Variants in KANSL1 observed in about 807,000 individuals in gnomAD.
KANSL1 encodes KAT8 regulatory NSL complex subunit 1.
A neutral mutation model predicts 103.6 loss-of-function variants in KANSL1; 22 were observed. That is an observed-to-expected ratio of 0.21 (90% CI 0.15 to 0.30). The LOEUF is 0.30. Among genes scored for constraint, KANSL1 ranks in the 10% least tolerant of loss-of-function variants. The pLI, the probability that KANSL1 is intolerant of heterozygous loss-of-function variation, is 1.00. For missense variants in KANSL1, 1,337 were observed against 1,399.8 expected (o/e 0.96, Z 0.72); for synonymous variants, 600 against 527.6 (o/e 1.14, Z -1.88).
At chr17:46,155,337 T>C (rs1020238005) in intron 2 of KANSL1, among the ~76,000 whole-genome samples, 2 of 152,178 alleles carry the variant, frequency 1.3e-5, no homozygotes, top group South Asian at 4.2e-4. Context: ...TTTCTATTTT[T>C]AGTAGAGACA....
intron 1 of KANSL1, among the ~76,000 whole-genome samples, chr17:46,207,122 AC>A (rs2047994969): frequency 6.6e-6 from 1 of 152,162 alleles, no homozygotes; most frequent in Non-Finnish European, 1.5e-5. Flanking sequence ...ATAAAAAAAA[AC>A]AATTAGCCAG....
At chr17:46,047,862 C>G (rs965558123) in intron 7 of KANSL1, among the ~76,000 whole-genome samples, 2 of 148,672 alleles carry the variant, frequency 1.3e-5, no homozygotes, top group African/African-American at 2.5e-5. Flanking sequence ...TTATGAAGAA[C>G]AGCATGGAGC....
intron 1 of KANSL1, among the ~76,000 whole-genome samples, chr17:46,183,478 C>T (rs368396252): frequency 3.3e-5 from 5 of 151,946 alleles, no homozygotes; most frequent in South Asian, 2.1e-4. Flanking sequence ...GGGTGGAGGT[C>T]GCAGTGAGCT....
At chr17:46,199,898 T>C (rs981951096) in intron 1 of KANSL1, among the ~76,000 whole-genome samples, 1 of 152,238 alleles carries the variant, frequency 6.6e-6, no homozygotes, top group South Asian at 2.1e-4. Flanking sequence ...GGCCATCAGC[T>C]ATTGTTAAAA....
At chr17:46,161,644 G>T (rs920121867) in intron 2 of KANSL1, among the ~76,000 whole-genome samples, 1 of 152,134 alleles carries the variant, frequency 6.6e-6, no homozygotes, top group East Asian at 1.9e-4. Flanking sequence ...CATATACAAG[G>T]GTATTCAATT....
In KANSL1 at chr17:46,211,123, G is replaced by GA. The variant is rs138603279; in HGVS notation, c.-90+12547dup. On this transcript the variant is annotated intron_variant, in intron 1 of 14. Transcript: ENST00000572904. ...CAAATGAAAAGTAAGGCATTTACAGGAAAAAAAATCTAAGCTATACTTAAA... is the reference window on the plus strand; with the variant it reads ...CAAATGAAAAGTAAGGCATTTACAGGAAAAAAAAATCTAAGCTATACTTAAA... Among the ~76,000 whole-genome samples, 6 of 145,410 alleles carry GA rather than the reference G, an allele frequency of 4.1e-5. No homozygotes were observed. The East Asian group carries it at 1.0e-3, about 25-fold the overall frequency.
chr17:46,105,938 CACACACA>C (rs1300963987), intron 2 of KANSL1, among the ~76,000 whole-genome samples: 86 of 74,232 alleles, frequency 1.2e-3, no homozygotes, highest in African/African-American at 3.4e-3. Flanking sequence ...CACACACACA[CACACACA>C]CACCCCCCCA....
At chr17:46,127,984 A>ATTT (rs113399561) in intron 2 of KANSL1, among the ~76,000 whole-genome samples, 62 of 148,722 alleles carry the variant, frequency 4.2e-4, no homozygotes, top group Admixed American at 1.5e-3. Flanking sequence ...CCCTTCCCTA[A>ATTT]TTTTTTTTTT....
chr17:46,036,146 T>C (rs2077143189), intron 10 of KANSL1, among the ~76,000 whole-genome samples: 1 of 152,196 alleles, frequency 6.6e-6, no homozygotes, highest in Non-Finnish European at 1.5e-5. Flanking sequence ...CTCAATCTCC[T>C]GGGCTGAAGA....
chr17:46,070,208 G>A (rs55947022), intron 4 of KANSL1, among the ~76,000 whole-genome samples: 21,788 of 152,062 alleles, frequency 0.14, 2,124 homozygotes, highest in Non-Finnish European at 0.22. Context: ...TCTAAATGTT[G>A]TAAGCATTAT....
At chr17:46,100,440 TCC>T (rs144244381) in intron 2 of KANSL1, among the ~76,000 whole-genome samples, 12,492 of 103,426 alleles carry the variant, frequency 0.12, 985 homozygotes, top group Middle Eastern at 0.24. Context: ...AGACTCCCTC[TCC>T]CCAAAAAAAA....
At chr17:46,188,534 T>A (rs541930619) in intron 1 of KANSL1, among the ~76,000 whole-genome samples, 1 of 152,340 alleles carries the variant, frequency 6.6e-6, no homozygotes, top group East Asian at 1.9e-4. Context: ...CCAAGTGTTC[T>A]TTGCACTGAC....
At chr17:46,189,140 G>A (rs1412062111) in intron 1 of KANSL1, among the ~76,000 whole-genome samples, 1 of 149,654 alleles carries the variant, frequency 6.7e-6, no homozygotes, top group Non-Finnish European at 1.5e-5. Flanking sequence ...TTGAGCCCCG[G>A]AGTTCAGGCA....
At chr17:46,047,912 T>G (rs1555737411) in intron 7 of KANSL1, among the ~76,000 whole-genome samples, 2 of 87,640 alleles carry the variant, frequency 2.3e-5, no homozygotes, top group African/African-American at 1.1e-4. Flanking sequence ...CCTTCCCCAC[T>G]CCCCCCGCCA....
In KANSL1 at chr17:46,031,439, AAT is replaced by A; in HGVS notation, c.*35_*36del. ...CAGAGATTTCTGAAGCTTTAATGCC[AAT>A]AGTTAGTGAGTCTGTTTAGATGGCT... On this transcript the variant is annotated 3_prime_UTR_variant, in exon 15 of 15. Transcript: ENST00000432791. 1 of 1,520,866 alleles carries A rather than the reference AAT, an allele frequency of 6.6e-7. No homozygotes were observed. Among genetic ancestry groups the A allele is most frequent in the Middle Eastern group, 1.7e-4 (1 of 5,824 alleles). 94.2% of individuals were successfully genotyped at this position (1,520,866 alleles called of 1,614,324 possible).
chr17:46,090,354 TTTG>T (rs1172006675), intron 3 of KANSL1, among the ~76,000 whole-genome samples: 2 of 152,246 alleles, frequency 1.3e-5, no homozygotes, highest in Non-Finnish European at 2.9e-5. Flanking sequence ...TTTGTGATAG[TTTG>T]TTATGACAGT....
intron 1 of KANSL1, among the ~76,000 whole-genome samples, chr17:46,185,688 TATATAC>T (rs1209051513): frequency 3.2e-5 from 2 of 62,314 alleles, no homozygotes; most frequent in African/African-American, 9.3e-5. Flanking sequence ...TACACACACA[TATATAC>T]ACACACACAC....
At chr17:46,111,533 C>G (rs2147107777) in intron 2 of KANSL1, among the ~76,000 whole-genome samples, 1 of 152,302 alleles carries the variant, frequency 6.6e-6, no homozygotes, top group African/African-American at 2.4e-5. Context: ...AAGGAAGACT[C>G]TGCCCAACCA....
At chr17:46,215,598 A>C (rs1262806733) in intron 1 of KANSL1, among the ~76,000 whole-genome samples, 4 of 152,216 alleles carry the variant, frequency 2.6e-5, no homozygotes, top group Non-Finnish European at 4.4e-5. Flanking sequence ...CTAGGATCTC[A>C]AGAATGTGGT....
Sources: gnomAD v4.1 joint callset for allele counts (sites outside exome capture counted in the v4.1 genomes callset) on GRCh38, gnomAD v4.1.1 for gene constraint, MANE v1.5 for transcripts, NCBI Gene and HGNC (gene_info 2026-07-23, HGNC 2026-07-21) for gene names.